Variants in EXTL3 observed in about 807,000 individuals in gnomAD.
The protein encoded by EXTL3 is exostosin like glycosyltransferase 3.
In EXTL3, 27 loss-of-function variants were observed where a neutral mutation model predicts 69.3. The ratio of observed to expected loss-of-function variants is 0.39; its 90% CI spans 0.29 to 0.54. The LOEUF is 0.54. Among genes scored for constraint, EXTL3 ranks in the 20% least tolerant of loss-of-function variants. EXTL3 has a pLI of 0.69. For synonymous variants in EXTL3, 511 were observed against 499.4 expected, an observed-to-expected ratio of 1.02 and a Z score of -0.31; for missense variants, 1,003 against 1,231.8, an observed-to-expected ratio of 0.81 and a Z score of 2.78.
At chr8:28,714,846 C>G (rs1237764237) in intron 2 of EXTL3, among the ~76,000 whole-genome samples, 1 of 152,212 alleles carries the variant, frequency 6.6e-6, no homozygotes, top group East Asian at 1.9e-4. Context: ...CTCCGTGCAC[C>G]TATCTCCATT....
At chr8:28,734,173 G>A (rs1585289497) in intron 4 of EXTL3, among the ~76,000 whole-genome samples, 2 of 152,128 alleles carry the variant, frequency 1.3e-5, no homozygotes, top group South Asian at 4.1e-4. Context: ...CTAGATGCAA[G>A]TCCATTATCA....
At chr8:28,658,197 G>A (rs1286376610) in intron 1 of EXTL3, among the ~76,000 whole-genome samples, 1 of 134,146 alleles carries the variant, frequency 7.5e-6, no homozygotes, top group East Asian at 2.1e-4. Flanking sequence ...GACACCGGAC[G>A]GTGGGTGGGG....
intron 1 of EXTL3, 51 bp from the exon 2 acceptor site, chr8:28,713,406 A>G (rs1368218910): frequency 1.5e-6 from 1 of 659,098 alleles, no homozygotes; most frequent in Non-Finnish European, 2.7e-6. Context: ...GTATTTTTCT[A>G]ATAGTATGTC....
In EXTL3 at chr8:28,754,015, T is replaced by C. The variant is rs1245014536; in HGVS notation, c.*3149T>C. On this transcript the variant is annotated 3_prime_UTR_variant, in exon 7 of 7. Transcript: ENST00000220562. Reference sequence around the variant, plus strand: ...GCCCATATATGCAAAGTTAATTTTTTCATGGGAATTTAAAATGCGTGTGTG... The same window carrying C: ...GCCCATATATGCAAAGTTAATTTTTCCATGGGAATTTAAAATGCGTGTGTG... 6.7e-6 allele frequency: 1 copy of C among 149,368 alleles called. No homozygotes were observed. Among genetic ancestry groups the C allele is most frequent in the Admixed American group, 6.7e-5 (1 of 14,918 alleles). The allele number at this position is 149,368 out of a possible 1,614,324, so 9.3% of individuals were successfully genotyped here. A position where few individuals can be genotyped will look rare whatever the true frequency, so the allele number is the denominator to read the frequency against.
At chr8:28,665,275 A>G (rs1169602577) in intron 1 of EXTL3, among the ~76,000 whole-genome samples, 1 of 151,350 alleles carries the variant, frequency 6.6e-6, no homozygotes, top group Non-Finnish European at 1.5e-5. Flanking sequence ...GGGTTTTGCC[A>G]TGTTAGCCAG....
intron 6 of EXTL3, among the ~76,000 whole-genome samples, chr8:28,749,323 C>T (rs773888305): frequency 1.3e-5 from 2 of 152,128 alleles, no homozygotes; most frequent in African/African-American, 2.4e-5. Context: ...AAAGAACAAA[C>T]AGATTGGAAA....
At chr8:28,669,549 G>A (rs1168987643) in intron 1 of EXTL3, among the ~76,000 whole-genome samples, 1 of 152,202 alleles carries the variant, frequency 6.6e-6, no homozygotes, top group African/African-American at 2.4e-5. Flanking sequence ...GGGTGTGTGT[G>A]TTGTGCAAAC....
upstream of EXTL3, among the ~76,000 whole-genome samples, chr8:28,620,527 G>A (rs555727905): frequency 2.6e-5 from 4 of 152,124 alleles, no homozygotes; most frequent in Non-Finnish European, 5.9e-5. Context: ...CCCCTACACC[G>A]GTCTCAGGCA....
At chr8:28,648,668 G>T (rs1806871970) in intron 1 of EXTL3, among the ~76,000 whole-genome samples, 1 of 152,088 alleles carries the variant, frequency 6.6e-6, no homozygotes, top group Admixed American at 6.6e-5. Flanking sequence ...CCTGAGTGAG[G>T]TGTGTGTCAT....
chr8:28,655,997 A>G lies in EXTL3; in HGVS notation c.-53+33187A>G, dbSNP rs929184455. ...TGATGATGGGTGGGTGAGAAAGAGC[A>G]GGTGGTGTCAAGATGAGTCCAGATG... On this transcript the variant is annotated intron_variant, in intron 1 of 6. Transcript: ENST00000523149. 7.2e-5 allele frequency among the ~76,000 whole-genome samples: 11 copies of G among 152,268 alleles called. 1 individual carries two copies. The highest frequency in any genetic ancestry group is 2.6e-4 in the African/African-American group (11 of 41,572).
intron 1 of EXTL3, among the ~76,000 whole-genome samples, chr8:28,640,421 C>CTAAT (rs1806724369): frequency 6.6e-6 from 1 of 152,114 alleles, no homozygotes; most frequent in Non-Finnish European, 1.5e-5. Flanking sequence ...AAATCTAGCA[C>CTAAT]TAATTCACTT....
chr8:28,752,400 A>T lies in EXTL3; in HGVS notation c.*1534A>T, dbSNP rs957199225. ...ACAAAAGCTCAGGTTTGTCCTGGTC[A>T]TGCACATGCCTTAAGCCAGTTCCGT... On this transcript the variant is annotated 3_prime_UTR_variant, in exon 7 of 7. Coordinates refer to ENST00000220562, the MANE Select transcript of EXTL3 (RefSeq NM_001440.4). 8 of 152,676 alleles carry T rather than the reference A, an allele frequency of 5.2e-5. No individual in the cohort carries two copies. Among genetic ancestry groups the T allele is most frequent in the African/African-American group, 1.9e-4 (8 of 41,430 alleles). The allele number at this position is 152,676 out of a possible 1,614,324, so 9.5% of individuals were successfully genotyped here.
chr8:28,650,083 C>G (rs576336195), intron 1 of EXTL3, among the ~76,000 whole-genome samples: 5 of 151,282 alleles, frequency 3.3e-5, no homozygotes, highest in African/African-American at 1.2e-4. Flanking sequence ...ATAATCCCAG[C>G]TACTCTGGAG....
Position 28,755,138 on chromosome 8 carries a change from GAC to G in EXTL3, c.*4276_*4277del, listed in dbSNP as rs1333121774. 2.0e-5 allele frequency: 3 copies of G among 152,200 alleles called. No individual in the cohort carries two copies. Among genetic ancestry groups the G allele is most frequent in the African/African-American group, 7.2e-5 (3 of 41,466 alleles). The allele number at this position is 152,200 out of a possible 1,614,324, so 9.4% of individuals were successfully genotyped here. A position where few individuals can be genotyped will look rare whatever the true frequency, so the allele number is the denominator to read the frequency against. ...ATAATATACGTAGAGTCCACTGTTT[GAC>G]ACAATAAAAATGAACTATTACTGGA... On this transcript the variant is annotated 3_prime_UTR_variant, in exon 7 of 7. Coordinates refer to ENST00000220562, the MANE Select transcript of EXTL3 (RefSeq NM_001440.4).
chr8:28,666,688 G>A (rs955171398), intron 1 of EXTL3, among the ~76,000 whole-genome samples: 26 of 152,134 alleles, frequency 1.7e-4, no homozygotes, highest in African/African-American at 6.3e-4. Context: ...TGATTCTTGT[G>A]CCTCAGCCTC....
chr8:28,733,560 A>ATT (rs1171341000), intron 4 of EXTL3, among the ~76,000 whole-genome samples: 12 of 129,942 alleles, frequency 9.2e-5, no homozygotes, highest in South Asian at 4.9e-4. Context: ...TAATCTTTAC[A>ATT]TTTTTTTTTT....
upstream of EXTL3, among the ~76,000 whole-genome samples, chr8:28,619,284 A>T (rs899710330): frequency 4.6e-5 from 2 of 43,570 alleles, no homozygotes; most frequent in South Asian, 8.0e-4. Context: ...AAAAAAAAAA[A>T]AAAAAAAAAA....
chr8:28,609,115 T>G (rs1250301255), intron 2 of EXTL3, among the ~76,000 whole-genome samples: 1 of 146,700 alleles, frequency 6.8e-6, no homozygotes, highest in Non-Finnish European at 1.5e-5. Flanking sequence ...CAGGCAGGAC[T>G]GAGCTTGACA....
At chr8:28,691,935 A>T (rs1800622211) in intron 1 of EXTL3, among the ~76,000 whole-genome samples, 1 of 152,140 alleles carries the variant, frequency 6.6e-6, no homozygotes, top group Admixed American at 6.5e-5. Flanking sequence ...TATTTAATTA[A>T]TGAAATAAAG....
Sources: gnomAD v4.1 joint callset for allele counts (sites outside exome capture counted in the v4.1 genomes callset) on GRCh38, gnomAD v4.1.1 for gene constraint, MANE v1.5 for transcripts, NCBI Gene and HGNC (gene_info 2026-07-23, HGNC 2026-07-21) for gene names.